SYNRG: variants seen among roughly 807,000 people sequenced by gnomAD.
SYNRG encodes the protein synergin gamma, also known as AP1 gamma subunit binding protein 1.
SYNRG carries 37 observed loss-of-function variants against 130.9 expected under a neutral mutation model. The observed-to-expected ratio is 0.28, with a 90% CI of 0.22 to 0.37. The LOEUF (loss-of-function observed/expected upper bound fraction) is 0.37, where lower values mean the gene tolerates loss of function less well. Among genes scored for constraint, SYNRG ranks in the 10% least tolerant of loss-of-function variants. The pLI is 1.00. For synonymous variants in SYNRG, 539 were observed against 568.1 expected, an observed-to-expected ratio of 0.95 and a Z score of 0.73; for missense variants, 1,338 against 1,588.9, an observed-to-expected ratio of 0.84 and a Z score of 2.68.
At chr17:37,596,628 C>A (rs139697957) in intron 2 of SYNRG, among the ~76,000 whole-genome samples, 1 of 152,296 alleles carries the variant, frequency 6.6e-6, no homozygotes, top group East Asian at 1.9e-4. Flanking sequence ...GGGTACTCAG[C>A]CTTCAAGATG....
At position 37,565,612 on chromosome 17, in the gene SYNRG, C is replaced by T. The variant is rs943535550; in HGVS notation, c.1481+3179G>A. On this transcript the variant is annotated intron_variant, in intron 11 of 21. Transcript: ENST00000612223. Reference sequence around the variant, plus strand: ...CTAGGAAGTGAGGAGCGCCTCTTCCCGGCTGCCATCACATCTAGGAAGTGA... The same window carrying T: ...CTAGGAAGTGAGGAGCGCCTCTTCCTGGCTGCCATCACATCTAGGAAGTGA... 1.6e-3 allele frequency among the ~76,000 whole-genome samples: 242 copies of T among 152,026 alleles called. 1 individual carries two copies. Among genetic ancestry groups the T allele is most frequent in the Non-Finnish European group, 2.8e-3 (192 of 67,968 alleles).
intron 10 of SYNRG, among the ~76,000 whole-genome samples, chr17:37,569,804 T>C (rs2060284175): frequency 6.6e-6 from 1 of 151,886 alleles, no homozygotes. Context: ...CACTGACTCC[T>C]AATCCCACAC....
At chr17:37,544,767 C>T (rs1054599071) in intron 14 of SYNRG, among the ~76,000 whole-genome samples, 1 of 152,068 alleles carries the variant, frequency 6.6e-6, no homozygotes, top group Admixed American at 6.6e-5. Context: ...GAAATTCAGT[C>T]AGGGGATGAT....
chr17:37,551,524 C>G (rs1269009820), intron 14 of SYNRG, among the ~76,000 whole-genome samples: 1 of 151,720 alleles, frequency 6.6e-6, no homozygotes. Flanking sequence ...TCAGTAAGAA[C>G]AAGCTTGGTC....
At position 37,609,376 on chromosome 17, in the gene SYNRG, G is replaced by A. The variant is rs1373002646; in HGVS notation, c.-21C>T. On this transcript the variant is annotated 5_prime_UTR_variant, in exon 1 of 22. Coordinates refer to ENST00000612223, the MANE Select transcript of SYNRG (RefSeq NM_007247.6). ...GCCATCTTGCTCCCGACCTGCCGCT[G>A]CCTTCGCCGCCGCCACCTTATCAGC... 3.6e-6 allele frequency: 5 copies of A among 1,408,002 alleles called. No individual in the cohort carries two copies. The highest frequency in any genetic ancestry group is 1.5e-5 in the South Asian group (1 of 67,472). The allele number at this position is 1,408,002 out of a possible 1,614,324, so 87.2% of individuals were successfully genotyped here.
chr17:37,551,686 A>C (rs1770948033), intron 14 of SYNRG, among the ~76,000 whole-genome samples: 1 of 152,154 alleles, frequency 6.6e-6, no homozygotes, highest in African/African-American at 2.4e-5. Context: ...TTCAGAGTCC[A>C]AAAGGCTAGT....
At position 37,539,175 on chromosome 17, in the gene SYNRG, G is replaced by A. The variant is rs371790719; in HGVS notation, c.3420+17C>T. On this transcript the variant is annotated intron_variant, in intron 17 of 21. Transcript: ENST00000612223. The stretch of plus-strand genomic sequence containing the variant: ...AGAGCACTCACATATGTGTGAACGC[G>A]TAAGTGACATACTCACATTCAGGGC... 4.9e-5 allele frequency: 79 copies of A among 1,613,768 alleles called. 1 individual carries two copies. The highest frequency in any genetic ancestry group is 4.8e-4 in the African/African-American group (36 of 75,030).
rs1414010627 is a variant in SYNRG at position 37,536,101 on chromosome 17, T to G, written c.3544A>C (p.Lys1182Gln). ...GCTTTTATCCCCAGCTCCACACGCT[T>G]GGTTACCCTGTACACTTCAACAACA... ...LGVVEVYRVT[K>Q]RVELGIKATA... The change falls in exon 19 of 22, where the codon AAG becomes CAG. Residue 1182 changes from lysine to glutamine, a missense_variant. Coordinates refer to ENST00000612223, the MANE Select transcript of SYNRG (RefSeq NM_007247.6). 4 of 1,613,706 alleles carry G rather than the reference T, an allele frequency of 2.5e-6. No individual in the cohort carries two copies. Among genetic ancestry groups the G allele is most frequent in the Non-Finnish European group, 3.4e-6 (4 of 1,179,912 alleles).
chr17:37,583,123 T>C (rs541804556), intron 6 of SYNRG, among the ~76,000 whole-genome samples: 63 of 152,010 alleles, frequency 4.1e-4, no homozygotes, highest in Middle Eastern at 3.4e-3. Flanking sequence ...ACCAAGTGAC[T>C]GAGATTATAG....
intron 8 of SYNRG, among the ~76,000 whole-genome samples, chr17:37,573,809 C>G (rs2060616130): frequency 6.6e-6 from 1 of 152,102 alleles, no homozygotes; most frequent in Admixed American, 6.6e-5. Context: ...GTTAAAATGT[C>G]CATAGTACCC....
In SYNRG at chr17:37,561,607, CAT is replaced by C; in HGVS notation, c.1482-20_1482-19del. On this transcript the variant is annotated intron_variant, in intron 11 of 21. Transcript: ENST00000612223. ...AAGGGGCACTGAAGGAAAAAATAAACATATTTTGATGACATTGAATCCCTCCT... is the reference window on the plus strand; with the variant it reads ...AAGGGGCACTGAAGGAAAAAATAAACATTTTGATGACATTGAATCCCTCCT... The C allele has an allele frequency of 6.4e-7, 1 of 1,574,446 alleles. No homozygotes were observed. Among genetic ancestry groups the C allele is most frequent in the Non-Finnish European group, 8.7e-7 (1 of 1,144,320 alleles).
chr17:37,604,293 G>A (rs533216924), intron 1 of SYNRG, among the ~76,000 whole-genome samples: 76 of 151,326 alleles, frequency 5.0e-4, no homozygotes, highest in African/African-American at 1.7e-3. Context: ...CTTCATCAAT[G>A]ATCTTAGCTC....
At chr17:37,593,878 C>CAA (rs36060397) in intron 3 of SYNRG, among the ~76,000 whole-genome samples, 3 of 89,560 alleles carry the variant, frequency 3.3e-5, no homozygotes, top group Admixed American at 2.4e-4. Flanking sequence ...AACTCCCTCT[C>CAA]AAAAAAAAAA....
intron 2 of SYNRG, among the ~76,000 whole-genome samples, chr17:37,600,147 G>A (rs189120946): frequency 1.9e-4 from 29 of 152,248 alleles, no homozygotes; most frequent in Admixed American, 1.5e-3. Context: ...ATGTAAGTTT[G>A]GGAGAAACGA....
intron 13 of SYNRG, among the ~76,000 whole-genome samples, chr17:37,558,697 C>A (rs2059297586): frequency 1.3e-5 from 2 of 152,136 alleles, no homozygotes; most frequent in South Asian, 4.1e-4. Context: ...TTAACACAAG[C>A]AAAGTATAGT....
At position 37,553,868 on chromosome 17, in the gene SYNRG, T is replaced by TATCTAG. The variant is rs2058897151; in HGVS notation, c.1849_1854dup (p.Leu617_Asp618dup). 6.2e-7 allele frequency: 1 copy of TATCTAG among 1,612,042 alleles called. No individual in the cohort carries two copies. Among genetic ancestry groups the TATCTAG allele is most frequent in the East Asian group, 2.2e-5 (1 of 44,886 alleles). ...CTGCTGCAATTAACTGAGGAAAACA[T>TATCTAG]ATCTAGGTCTGCTAAGTTCAGAGGG... On this transcript the variant is annotated inframe_insertion, in exon 14 of 22. Coordinates refer to ENST00000612223, the MANE Select transcript of SYNRG (RefSeq NM_007247.6).
chr17:37,573,359 C>A (rs1470743689), intron 8 of SYNRG, among the ~76,000 whole-genome samples: 1 of 152,044 alleles, frequency 6.6e-6, no homozygotes, highest in African/African-American at 2.4e-5. Context: ...GCCGAGATTG[C>A]GCCACTGCAC....
rs375404740 is a variant in SYNRG, at chr17:37,540,329, T to C, written c.3366+51A>G. On this transcript the variant is annotated intron_variant, in intron 16 of 21. Transcript: ENST00000612223. ...CTGACAGCATTCTTTCTTGGGGCCC[T>C]GTGTGCTTGCTGGTCTGTTACCCAC... The C allele has an allele frequency of 1.2e-4, 184 of 1,590,882 alleles. 2 individuals carry two copies. The Middle Eastern group carries it at 4.5e-3, about 39-fold the overall frequency.
intron 1 of SYNRG, 28 bp downstream of exon 1, chr17:37,609,251 G>A (rs762194181): frequency 7.1e-7 from 1 of 1,413,276 alleles, no homozygotes; most frequent in South Asian, 1.5e-5. Flanking sequence ...GGAGGCCAGC[G>A]GGCTCCCGCC....
Sources: gnomAD v4.1 joint callset for allele counts (sites outside exome capture counted in the v4.1 genomes callset) on GRCh38, gnomAD v4.1.1 for gene constraint, MANE v1.5 for transcripts, NCBI Gene and HGNC (gene_info 2026-07-23, HGNC 2026-07-21) for gene names.